Variants in FGF13 observed in about 807,000 individuals in gnomAD.
The protein encoded by FGF13 is fibroblast growth factor homologous factor 2.
A neutral mutation model predicts 19.5 loss-of-function variants in FGF13; 2 were observed. That is an observed-to-expected ratio of 0.10 (90% CI 0.04 to 0.32). The LOEUF (loss-of-function observed/expected upper bound fraction) is 0.32, where lower values mean the gene tolerates loss of function less well. Among genes scored for constraint, FGF13 ranks in the 10% least tolerant of loss-of-function variants. FGF13 has a pLI of 1.00. For synonymous variants in FGF13, 72 were observed against 76.9 expected (o/e 0.94, Z 0.33); for missense variants, 113 against 192.7 (o/e 0.59, Z 2.45).
intron 1 of FGF13, among the ~76,000 whole-genome samples, chrX:139,047,505 C>T (rs1191139533): frequency 1.8e-5 from 2 of 111,215 alleles, no homozygotes; most frequent in African/African-American, 3.3e-5. Context: ...CCCACTAACT[C>T]GTATACTCTC....
chrX:138,756,579 A>G (rs1352887660), intron 3 of FGF13, among the ~76,000 whole-genome samples: 1 of 112,714 alleles, frequency 8.9e-6, no homozygotes, highest in African/African-American at 3.2e-5. Context: ...GACCCTTGCC[A>G]GTGCCATATG....
In FGF13 at chrX:138,898,095, C is replaced by A. The variant is rs1439230670; in HGVS notation, c.-112-33445G>T. On this transcript the variant is annotated intron_variant, in intron 1 of 2. Coordinates refer to the FGF13 transcript ENST00000421460. Reference sequence around the variant, plus strand: ...ATGCCATGGGATCTTTCTCCCGCTACAAGAGGCATATTTGCTCTTCTATTT... The same window carrying A: ...ATGCCATGGGATCTTTCTCCCGCTAAAAGAGGCATATTTGCTCTTCTATTT... Among the ~76,000 whole-genome samples the A allele has an allele frequency of 4.5e-5, 5 of 111,094 alleles. 1 individual carries two copies. Among genetic ancestry groups the A allele is most frequent in the Admixed American group, 3.9e-4 (4 of 10,378 alleles).
chrX:138,702,057 C>T (rs1309526794), intron 3 of FGF13, among the ~76,000 whole-genome samples: 3 of 111,676 alleles, frequency 2.7e-5, no homozygotes, highest in African/African-American at 9.8e-5. Context: ...CCATGGCAGG[C>T]GGATCATTCG....
intron 3 of FGF13, among the ~76,000 whole-genome samples, chrX:138,781,322 A>T (rs1432841174): frequency 9.1e-6 from 1 of 109,641 alleles, no homozygotes; most frequent in African/African-American, 3.3e-5. Flanking sequence ...AAATCAGAGC[A>T]GAACTGAAGG....
At chrX:139,203,778 C>T (rs2084439024), upstream of FGF13, among the ~76,000 whole-genome samples, 1 of 112,267 alleles carries the variant, frequency 8.9e-6, no homozygotes. Context: ...GCTGCAGCAG[C>T]TTCGTCTGCC....
At chrX:139,063,027 T>C (rs1052899517) in intron 1 of FGF13, among the ~76,000 whole-genome samples, 1 of 111,793 alleles carries the variant, frequency 8.9e-6, no homozygotes, top group Non-Finnish European at 1.9e-5. Context: ...GGTTAACTGC[T>C]ATTTAGAGGG....
chrX:138,989,315 G>A (rs752581075), intron 1 of FGF13, among the ~76,000 whole-genome samples: 1 of 111,565 alleles, frequency 9.0e-6, no homozygotes, highest in Non-Finnish European at 1.9e-5. Context: ...AGGCTATGGC[G>A]ATCACAACCA....
intron 1 of FGF13, among the ~76,000 whole-genome samples, chrX:139,039,768 C>A (rs939082847): frequency 1.8e-5 from 2 of 110,942 alleles, no homozygotes; most frequent in Non-Finnish European, 3.8e-5. Context: ...CGGCAACTGT[C>A]ACATAGCAGG....
At chrX:138,950,723 G>A (rs2091806803) in intron 1 of FGF13, among the ~76,000 whole-genome samples, 1 of 111,619 alleles carries the variant, frequency 9.0e-6, no homozygotes, top group Non-Finnish European at 1.9e-5. Flanking sequence ...TATCTGTCAT[G>A]TCTGTGCTTG....
chrX:138,919,266 G>T (rs1053225098), intron 1 of FGF13, among the ~76,000 whole-genome samples: 6 of 111,617 alleles, frequency 5.4e-5, no homozygotes, highest in Non-Finnish European at 7.5e-5. Flanking sequence ...CAGCAAGAAA[G>T]AGGCCAAAAA....
intron 3 of FGF13, among the ~76,000 whole-genome samples, chrX:138,808,172 A>G (rs745792987): frequency 1.8e-5 from 2 of 112,096 alleles, no homozygotes; most frequent in South Asian, 7.6e-4. Flanking sequence ...TTATTCTAAA[A>G]TTGACCACAT....
At chrX:139,183,245 C>T (rs1400484062) in intron 1 of FGF13, among the ~76,000 whole-genome samples, 9 of 112,089 alleles carry the variant, frequency 8.0e-5, no homozygotes, top group Non-Finnish European at 1.5e-4. Context: ...AATAATTTTT[C>T]ACATTAGGTC....
At chrX:138,987,832 C>T (rs933515800) in intron 1 of FGF13, among the ~76,000 whole-genome samples, 7 of 111,808 alleles carry the variant, frequency 6.3e-5, no homozygotes, top group African/African-American at 1.9e-4. Context: ...ATATAAAACA[C>T]GCTATTCATT....
chrX:138,683,415 T>A (rs758738161), intron 3 of FGF13, among the ~76,000 whole-genome samples: 281 of 103,392 alleles, frequency 2.7e-3, no homozygotes, highest in Middle Eastern at 9.7e-3. Context: ...TCTCTCTCTC[T>A]CACACACACA....
intron 1 of FGF13, among the ~76,000 whole-genome samples, chrX:139,163,355 A>C (rs765706157): frequency 2.4e-4 from 26 of 110,545 alleles, no homozygotes; most frequent in Non-Finnish European, 4.5e-4. Context: ...GAACACATGG[A>C]CACAGGAAGG....
chrX:139,169,934 C>T (rs995245282), intron 1 of FGF13, among the ~76,000 whole-genome samples: 2 of 111,145 alleles, frequency 1.8e-5, no homozygotes, highest in Non-Finnish European at 3.8e-5. Context: ...CAGTGGCTTT[C>T]AAACTGCATT....
chrX:138,998,507 GAA>G (rs139813304), intron 1 of FGF13, among the ~76,000 whole-genome samples: 1,297 of 100,315 alleles, frequency 0.013, 12 homozygotes, highest in Non-Finnish European at 0.021. Context: ...CAAATGGAAA[GAA>G]AAAAAAAAAA....
At chrX:138,778,606 G>T (rs966946097) in intron 3 of FGF13, among the ~76,000 whole-genome samples, 1 of 112,401 alleles carries the variant, frequency 8.9e-6, no homozygotes, top group East Asian at 2.8e-4. Flanking sequence ...GCGCTTTTCC[G>T]ACAGGCTTAA....
At chrX:138,746,576 C>A (rs765786630) in intron 3 of FGF13, among the ~76,000 whole-genome samples, 4 of 111,696 alleles carry the variant, frequency 3.6e-5, no homozygotes, top group Non-Finnish European at 7.5e-5. Flanking sequence ...TAGATTCACC[C>A]GGAAGCAACA....
Sources: allele counts gnomAD v4.1 joint callset (sites outside exome capture counted in the v4.1 genomes callset), GRCh38; gene constraint gnomAD v4.1.1; transcripts MANE v1.5; gene names NCBI Gene and HGNC (gene_info 2026-07-23, HGNC 2026-07-21).